The following GRIK2 variants were observed in gnomAD, a reference collection of about 807,000 sequenced individuals.
The protein encoded by GRIK2 is glutamate ionotropic receptor kainate type subunit 2.
A neutral mutation model predicts 100.3 loss-of-function variants in GRIK2; 32 were observed. The ratio of observed to expected loss-of-function variants is 0.32; its 90% confidence interval spans 0.24 to 0.43. The LOEUF is 0.43. Ranked by LOEUF, GRIK2 falls within the 20% of genes least tolerant of loss-of-function variation. The pLI, the probability that GRIK2 is intolerant of heterozygous loss-of-function variation, is 1.00. For synonymous variants in GRIK2, 417 were observed against 389.4 expected, an observed-to-expected ratio of 1.07 and a Z score of -0.83; for missense variants, 843 against 1,114.9, an observed-to-expected ratio of 0.76 and a Z score of 3.47.
chr6:102,043,411 C>G (rs913382133), intron 15 of GRIK2, among the ~76,000 whole-genome samples: 1 of 151,690 alleles, frequency 6.6e-6, no homozygotes, highest in Non-Finnish European at 1.5e-5. Flanking sequence ...TACCCTTTGA[C>G]CATCATCTCC....
At chr6:101,574,335 TA>T (rs1186686886) in intron 2 of GRIK2, among the ~76,000 whole-genome samples, 53 of 147,420 alleles carry the variant, frequency 3.6e-4, no homozygotes, top group African/African-American at 1.3e-3. Context: ...GAATATATGA[TA>T]AATAAAAATA....
At chr6:101,496,677 C>T (rs1243009832) in intron 2 of GRIK2, among the ~76,000 whole-genome samples, 1 of 152,224 alleles carries the variant, frequency 6.6e-6, no homozygotes, top group African/African-American at 2.4e-5. Context: ...AACTTTCAAA[C>T]AAATCATGGA....
intron 2 of GRIK2, among the ~76,000 whole-genome samples, chr6:101,617,106 T>C (rs1264114938): frequency 6.6e-6 from 1 of 151,800 alleles, no homozygotes; most frequent in East Asian, 1.9e-4. Context: ...TTTTTACTGC[T>C]TGTGTTTTCA....
rs995778100 is a variant in GRIK2 at position 101,930,636 on chromosome 6, G to T, written c.2085+2004G>T. ...AAAGTTCAAATATACTAGTAGCAAA[G>T]TTCATTTTTGAAAAATCAGTTACCA... On this transcript the variant is annotated intron_variant, in intron 14 of 16. Coordinates refer to ENST00000369134, the MANE Select transcript of GRIK2 (RefSeq NM_021956.5). Among the ~76,000 whole-genome samples, 5 of 151,900 alleles carry T rather than the reference G, an allele frequency of 3.3e-5. No individual in the cohort carries two copies. The South Asian group carries it at 1.0e-3, about 32-fold the overall frequency.
intron 2 of GRIK2, among the ~76,000 whole-genome samples, chr6:101,542,320 T>C (rs1310941703): frequency 1.3e-5 from 2 of 152,032 alleles, no homozygotes; most frequent in Non-Finnish European, 2.9e-5. Flanking sequence ...AAAATAACTA[T>C]CTTAAAAACA....
intron 2 of GRIK2, among the ~76,000 whole-genome samples, chr6:101,472,033 G>A (rs1771973065): frequency 7.0e-5 from 1 of 14,200 alleles, no homozygotes; most frequent in Admixed American, 1.1e-3. Flanking sequence ...AAAAGAACTT[G>A]GGTGTTTCAT....
chr6:101,967,454 A>C (rs1792758919), intron 14 of GRIK2, among the ~76,000 whole-genome samples: 1 of 152,112 alleles, frequency 6.6e-6, no homozygotes, highest in South Asian at 2.1e-4. Context: ...TTTAAAAATA[A>C]ATTATAACAG....
At chr6:101,521,823 A>G (rs1463410687) in intron 2 of GRIK2, among the ~76,000 whole-genome samples, 1 of 152,004 alleles carries the variant, frequency 6.6e-6, no homozygotes, top group Non-Finnish European at 1.5e-5. Context: ...ATAGGAAATA[A>G]CCAAATAGAA....
intron 2 of GRIK2, 91 bp from the exon 3 acceptor site, chr6:101,621,858 A>G (rs1445097570): frequency 1.1e-6 from 1 of 871,142 alleles, no homozygotes; most frequent in Non-Finnish European, 1.9e-6. Flanking sequence ...CACATATATA[A>G]AAGTACAGAA....
intron 2 of GRIK2, among the ~76,000 whole-genome samples, chr6:101,595,894 T>C (rs1778905490): frequency 6.6e-6 from 1 of 151,232 alleles, no homozygotes; most frequent in African/African-American, 2.4e-5. Context: ...TTTCTTCCTA[T>C]GTGTTTTATA....
intron 14 of GRIK2, among the ~76,000 whole-genome samples, chr6:101,979,743 T>C (rs995142580): frequency 3.9e-5 from 6 of 151,950 alleles, no homozygotes; most frequent in African/African-American, 1.4e-4. Context: ...AAAGTGTAAT[T>C]TGTCTAAGTT....
intron 14 of GRIK2, among the ~76,000 whole-genome samples, chr6:101,954,570 G>GATTTTACATACT (rs1791797654): frequency 6.6e-6 from 1 of 152,006 alleles, no homozygotes; most frequent in Non-Finnish European, 1.5e-5. Flanking sequence ...ATACTGCAGT[G>GATTTTACATACT]GGTTAGAACT....
At chr6:101,525,616 C>G (rs1045886777) in intron 2 of GRIK2, among the ~76,000 whole-genome samples, 1 of 152,154 alleles carries the variant, frequency 6.6e-6, no homozygotes, top group African/African-American at 2.4e-5. Context: ...TAGGTAAGAA[C>G]AAACTGCTGA....
chr6:101,787,797 T>C (rs1054183551), intron 7 of GRIK2, among the ~76,000 whole-genome samples: 5 of 152,182 alleles, frequency 3.3e-5, no homozygotes, highest in Non-Finnish European at 7.4e-5. Context: ...TGAAAGGTTC[T>C]GTAAATGTCT....
chr6:101,688,241 T>C (rs12055432), intron 7 of GRIK2, among the ~76,000 whole-genome samples: 9,069 of 151,442 alleles, frequency 0.06, 436 homozygotes, highest in South Asian at 0.2. Context: ...TCAGTAGATA[T>C]CAGCACAATT....
chr6:102,045,822 C>T (rs1167809545), intron 15 of GRIK2, among the ~76,000 whole-genome samples: 1 of 151,958 alleles, frequency 6.6e-6, no homozygotes, highest in Non-Finnish European at 1.5e-5. Flanking sequence ...ATTTAAAAAG[C>T]AATGAATAAA....
intron 2 of GRIK2, among the ~76,000 whole-genome samples, chr6:101,411,380 A>G (rs1042389235): frequency 1.2e-4 from 18 of 152,108 alleles, no homozygotes; most frequent in African/African-American, 4.3e-4. Context: ...CATAATTTAA[A>G]TGTCTGGTCC....
chr6:101,966,523 T>TTAAC (rs1255970373), intron 14 of GRIK2, among the ~76,000 whole-genome samples: 4 of 152,178 alleles, frequency 2.6e-5, no homozygotes, highest in African/African-American at 7.2e-5. Context: ...TGTTCAGATC[T>TTAAC]TAACTTTTAT....
intron 2 of GRIK2, among the ~76,000 whole-genome samples, chr6:101,538,505 G>A (rs1775830159): frequency 6.6e-6 from 1 of 151,462 alleles, no homozygotes; most frequent in Non-Finnish European, 1.5e-5. Context: ...ATACATAGTA[G>A]GTTAAACATA....
Sources: allele counts gnomAD v4.1 joint callset (sites outside exome capture counted in the v4.1 genomes callset), GRCh38; gene constraint gnomAD v4.1.1; transcripts MANE v1.5; gene names NCBI Gene and HGNC (gene_info 2026-07-23, HGNC 2026-07-21).